The following MBNL1 variants were observed in gnomAD, a reference collection of about 807,000 sequenced individuals.
MBNL1 encodes the protein muscleblind like splicing regulator 1.
Under a neutral mutation model 42.2 loss-of-function variants are expected in MBNL1, and 8 were observed. That is an observed-to-expected ratio of 0.19 (90% CI 0.11 to 0.34). MBNL1 has a LOEUF of 0.34. MBNL1 is among the 10% of genes least tolerant of loss of function. The probability of loss-of-function intolerance (pLI) is 1.00; values close to 1 mark genes in which losing one functional copy is unlikely to be tolerated. For synonymous variants in MBNL1, 169 were observed against 173.9 expected (o/e 0.97, Z 0.22); for missense variants, 309 against 495.3 (o/e 0.62, Z 3.57).
intron 2 of MBNL1, among the ~76,000 whole-genome samples, chr3:152,359,049 C>A (rs1435695411): frequency 1.3e-5 from 2 of 152,186 alleles, no homozygotes; most frequent in Admixed American, 6.5e-5. Flanking sequence ...TGAACAATGA[C>A]TAATTATTTC....
At chr3:152,424,914 A>C (rs2098891374) in intron 3 of MBNL1, among the ~76,000 whole-genome samples, 1 of 152,224 alleles carries the variant, frequency 6.6e-6, no homozygotes, top group South Asian at 2.1e-4. Flanking sequence ...CTTATACGAA[A>C]ATTAAGATGG....
chr3:152,252,165 T>TTCCTTCCC (rs1553761054), intron 2 of MBNL1, among the ~76,000 whole-genome samples: 16 of 144,234 alleles, frequency 1.1e-4, no homozygotes, highest in African/African-American at 3.4e-4. Flanking sequence ...CCTTCCTTCC[T>TTCCTTCCC]TCCTTCCTTC....
At chr3:152,347,860 T>TA (rs1229666891) in intron 2 of MBNL1, among the ~76,000 whole-genome samples, 1 of 152,188 alleles carries the variant, frequency 6.6e-6, no homozygotes, top group African/African-American at 2.4e-5. Context: ...AATGCATGTT[T>TA]AAAAATATAC....
At chr3:152,276,981 T>G (rs1461988220) in intron 1 of MBNL1, among the ~76,000 whole-genome samples, 1 of 152,162 alleles carries the variant, frequency 6.6e-6, no homozygotes, top group Non-Finnish European at 1.5e-5. Flanking sequence ...ACCAGCTGAC[T>G]GGATGTGGAT....
chr3:152,384,832 T>G (rs2097341294), intron 2 of MBNL1, among the ~76,000 whole-genome samples: 1 of 152,166 alleles, frequency 6.6e-6, no homozygotes, highest in Admixed American at 6.6e-5. Flanking sequence ...GTCCGGAGTT[T>G]CTATTTCCAA....
chr3:152,332,158 G>A (rs1290958667), intron 2 of MBNL1, among the ~76,000 whole-genome samples: 1 of 152,160 alleles, frequency 6.6e-6, no homozygotes, highest in African/African-American at 2.4e-5. Context: ...TAGATGACTG[G>A]ATAAAAGAGT....
intron 2 of MBNL1, among the ~76,000 whole-genome samples, chr3:152,394,783 A>T (rs1242066213): frequency 2.0e-5 from 3 of 152,212 alleles, no homozygotes; most frequent in African/African-American, 7.2e-5. Context: ...AGACCTTTAG[A>T]TGGGTGTTAT....
intron 1 of MBNL1, among the ~76,000 whole-genome samples, chr3:152,272,304 A>G (rs1260643199): frequency 6.6e-6 from 1 of 152,142 alleles, no homozygotes; most frequent in South Asian, 2.1e-4. Flanking sequence ...ATTTCCTCAA[A>G]GCTGCTATTT....
chr3:152,346,686 A>G (rs1290349032), intron 2 of MBNL1, among the ~76,000 whole-genome samples: 2 of 152,214 alleles, frequency 1.3e-5, no homozygotes, highest in East Asian at 3.9e-4. Context: ...CATTTACGTC[A>G]AAAATGAAGG....
chr3:152,456,374 A>G lies in MBNL1; in HGVS notation c.1092+13A>G. On this transcript the variant is annotated intron_variant, in intron 8 of 9. Coordinates refer to ENST00000324210, the MANE Select transcript of MBNL1 (RefSeq NM_021038.5). ...CACAGCCAACCAGGTTTGCTAATTT[A>G]CAGCTTTGTTTCTTAAAAAACAACT... 1.2e-6 allele frequency: 2 copies of G among 1,610,786 alleles called. No homozygotes were observed. Among genetic ancestry groups the G allele is most frequent in the Non-Finnish European group, 1.7e-6 (2 of 1,177,006 alleles).
upstream of MBNL1, chr3:152,243,710 T>C (rs928664849): frequency 3.9e-5 from 6 of 152,248 alleles, no homozygotes; most frequent in Admixed American, 1.3e-4. Context: ...GACAGTTTTC[T>C]TCTGCATAGA....
At chr3:152,303,171 T>G (rs2061438091) in intron 2 of MBNL1, among the ~76,000 whole-genome samples, 1 of 152,156 alleles carries the variant, frequency 6.6e-6, no homozygotes, top group African/African-American at 2.4e-5. Context: ...TAATTAGATT[T>G]AAATATACCG....
At chr3:152,265,569 A>G (rs1015381322), upstream of MBNL1, 1 of 152,176 alleles carries the variant, frequency 6.6e-6, no homozygotes, top group Non-Finnish European at 1.5e-5. Context: ...AAAAAGATAA[A>G]TGCTGCCATT....
At chr3:152,344,375 G>A (rs1465743923) in intron 2 of MBNL1, among the ~76,000 whole-genome samples, 1 of 152,098 alleles carries the variant, frequency 6.6e-6, no homozygotes, top group Non-Finnish European at 1.5e-5. Context: ...AAGTTTAGTG[G>A]TTGCCACAAA....
At chr3:152,432,667 C>A in intron 3 of MBNL1, 50 bp from the exon 4 acceptor site, 1 of 1,516,396 alleles carries the variant, frequency 6.6e-7, no homozygotes, top group Non-Finnish European at 9.2e-7. Flanking sequence ...AGAATATCAA[C>A]TTTGAGCTGA....
intron 2 of MBNL1, among the ~76,000 whole-genome samples, chr3:152,252,151 C>CCTTCCTTA: frequency 1.4e-5 from 2 of 143,488 alleles, no homozygotes; most frequent in South Asian, 2.3e-4. Flanking sequence ...TTCCTTCCTT[C>CCTTCCTTA]CTTCCTTCCT....
chr3:152,323,478 C>T (rs915229718), intron 2 of MBNL1, among the ~76,000 whole-genome samples: 9 of 152,142 alleles, frequency 5.9e-5, no homozygotes, highest in Admixed American at 5.9e-4. Context: ...CACACACACA[C>T]GTCATGCCTT....
At chr3:152,373,974 T>G (rs1228069704) in intron 2 of MBNL1, among the ~76,000 whole-genome samples, 1 of 152,216 alleles carries the variant, frequency 6.6e-6, no homozygotes, top group African/African-American at 2.4e-5. Context: ...TTCTATCTTC[T>G]CACTTTTTTG....
intron 1 of MBNL1, among the ~76,000 whole-genome samples, chr3:152,294,544 A>G (rs1265088606): frequency 6.6e-6 from 1 of 152,114 alleles, no homozygotes; most frequent in African/African-American, 2.4e-5. Flanking sequence ...TCGGCCTCCC[A>G]AAGTGCTGGG....
Sources: gnomAD v4.1 joint callset for allele counts (sites outside exome capture counted in the v4.1 genomes callset) on GRCh38, gnomAD v4.1.1 for gene constraint, MANE v1.5 for transcripts, NCBI Gene and HGNC (gene_info 2026-07-23, HGNC 2026-07-21) for gene names.